Variants in ST6GALNAC5 observed in about 807,000 individuals in gnomAD.
ST6GALNAC5 encodes ST6 N-acetylgalactosaminide alpha-2,6-sialyltransferase 5.
ST6GALNAC5 carries 27 observed loss-of-function variants against 33.6 expected under a neutral mutation model. The observed-to-expected ratio is 0.80, with a 90% CI of 0.59 to 1.11. The LOEUF is 1.11. ST6GALNAC5 is among the 50% of genes least tolerant of loss of function. ST6GALNAC5 has a pLI of 0.00. For synonymous variants in ST6GALNAC5, 194 were observed against 171.2 expected (o/e 1.13, Z -1.04); for missense variants, 428 against 454.0 (o/e 0.94, Z 0.52).
chr1:77,004,881 A>T (rs1388365634), intron 2 of ST6GALNAC5, among the ~76,000 whole-genome samples: 2 of 138,480 alleles, frequency 1.4e-5, no homozygotes, highest in African/African-American at 5.0e-5. Flanking sequence ...TGGGAGAACC[A>T]CTGCTCTCTT....
At chr1:76,940,947 T>TTA (rs1205593141) in intron 2 of ST6GALNAC5, among the ~76,000 whole-genome samples, 1 of 152,088 alleles carries the variant, frequency 6.6e-6, no homozygotes, top group African/African-American at 2.4e-5. Context: ...TGTAGCTAAG[T>TTA]TATGCATGTA....
At chr1:76,884,478 T>C (rs957480520) in intron 2 of ST6GALNAC5, among the ~76,000 whole-genome samples, 1 of 152,132 alleles carries the variant, frequency 6.6e-6, no homozygotes, top group African/African-American at 2.4e-5. Flanking sequence ...CAGTGGGGTG[T>C]AGAATAAGTG....
intron 2 of ST6GALNAC5, among the ~76,000 whole-genome samples, chr1:76,965,892 G>T (rs11584876): frequency 0.023 from 3,460 of 152,252 alleles, 63 homozygotes; most frequent in Non-Finnish European, 0.034. Flanking sequence ...GCTTTTGTCA[G>T]GTTTGTCAAA....
intron 2 of ST6GALNAC5, among the ~76,000 whole-genome samples, chr1:76,984,650 CCCT>C (rs1649406341): frequency 6.6e-6 from 1 of 152,186 alleles, no homozygotes. Flanking sequence ...AGGGAATCCT[CCCT>C]AACTCATTTT....
Position 77,050,299 on chromosome 1 carries a change from T to C in ST6GALNAC5, c.713T>C (p.Met238Thr). 1 of 1,614,086 alleles carries C rather than the reference T, an allele frequency of 6.2e-7. No homozygotes were observed. The highest frequency in any genetic ancestry group is 1.1e-5 in the South Asian group (1 of 91,088). The change falls in exon 4 of 5, where the codon ATG becomes ACG. Residue 238 changes from methionine to threonine, a missense_variant. Met to Thr is a moderately conservative substitution (Grantham distance 81, BLOSUM62 -1). Transcript: ENST00000477717. ...TGGCTCAGCACTGGCTGGTTTACAATGACAATTGCACTGGAGCTCTGTGAC... is the reference window on the plus strand; with the variant it reads ...TGGCTCAGCACTGGCTGGTTTACAACGACAATTGCACTGGAGCTCTGTGAC... Reference protein sequence around the residue: ...NTWLSTGWFTMTIALELCDRI... With the variant: ...NTWLSTGWFTTTIALELCDRI...
At chr1:76,904,645 C>T (rs1382354808) in intron 2 of ST6GALNAC5, among the ~76,000 whole-genome samples, 5 of 151,884 alleles carry the variant, frequency 3.3e-5, no homozygotes, top group Admixed American at 6.6e-5. Flanking sequence ...GCCAACATGG[C>T]GAAACCCCAT....
intron 2 of ST6GALNAC5, among the ~76,000 whole-genome samples, chr1:76,906,892 T>G (rs1185717810): frequency 1.3e-5 from 2 of 152,128 alleles, no homozygotes; most frequent in Non-Finnish European, 2.9e-5. Context: ...CCTTGGCCCT[T>G]TACTACTGTT....
chr1:76,972,880 T>C (rs1007935790), intron 2 of ST6GALNAC5, among the ~76,000 whole-genome samples: 3 of 152,208 alleles, frequency 2.0e-5, no homozygotes, highest in African/African-American at 7.2e-5. Flanking sequence ...ACAATAATTC[T>C]GTGTAACTTT....
chr1:76,996,937 A>G (rs1270958310), intron 2 of ST6GALNAC5, among the ~76,000 whole-genome samples: 5 of 152,154 alleles, frequency 3.3e-5, no homozygotes, highest in Non-Finnish European at 7.4e-5. Context: ...ATCTTCCAGG[A>G]TTTGTACCAG....
At chr1:76,946,067 A>T (rs1388463620) in intron 2 of ST6GALNAC5, among the ~76,000 whole-genome samples, 3 of 152,140 alleles carry the variant, frequency 2.0e-5, no homozygotes. Context: ...CTAGACTCAG[A>T]TAAAACATCA....
intron 2 of ST6GALNAC5, among the ~76,000 whole-genome samples, chr1:77,002,463 TG>T (rs1477319988): frequency 9.2e-5 from 14 of 152,330 alleles, no homozygotes; most frequent in African/African-American, 3.1e-4. Context: ...ATTAATTTTT[TG>T]AACGGTTTTT....
chr1:77,004,226 CTTCATTTCA>C (rs1234800145), intron 2 of ST6GALNAC5, among the ~76,000 whole-genome samples: 1 of 151,166 alleles, frequency 6.6e-6, no homozygotes, highest in African/African-American at 2.4e-5. Context: ...TCCCTTCTCA[CTTCATTTCA>C]TTCATTTCAT....
intron 3 of ST6GALNAC5, among the ~76,000 whole-genome samples, chr1:77,049,893 G>C (rs1176074166): frequency 6.6e-6 from 1 of 152,214 alleles, no homozygotes; most frequent in African/African-American, 2.4e-5. Flanking sequence ...AGAATTTCTA[G>C]TTACTCAAGT....
intron 2 of ST6GALNAC5, among the ~76,000 whole-genome samples, chr1:77,032,952 C>A (rs915090953): frequency 6.6e-6 from 1 of 152,142 alleles, no homozygotes; most frequent in South Asian, 2.1e-4. Context: ...TTTGTGGAAT[C>A]GGGCTTGTCG....
intron 2 of ST6GALNAC5, among the ~76,000 whole-genome samples, chr1:76,906,547 G>C (rs1292084842): frequency 6.6e-6 from 1 of 152,082 alleles, no homozygotes; most frequent in African/African-American, 2.4e-5. Context: ...AATTTTAGAG[G>C]ACTATCATTA....
chr1:76,960,936 C>T (rs745349334), intron 2 of ST6GALNAC5, among the ~76,000 whole-genome samples: 14 of 152,096 alleles, frequency 9.2e-5, no homozygotes, highest in Non-Finnish European at 1.5e-4. Flanking sequence ...GGTCCTGAGG[C>T]GACATACATC....
At chr1:76,941,801 C>G (rs970211866) in intron 2 of ST6GALNAC5, among the ~76,000 whole-genome samples, 5 of 152,110 alleles carry the variant, frequency 3.3e-5, no homozygotes, top group Non-Finnish European at 5.9e-5. Context: ...TTTCTGATTT[C>G]TGGCCTCCAG....
At chr1:76,992,269 G>A (rs1388887737) in intron 2 of ST6GALNAC5, among the ~76,000 whole-genome samples, 1 of 152,122 alleles carries the variant, frequency 6.6e-6, no homozygotes, top group Admixed American at 6.5e-5. Flanking sequence ...TCCACTGCCA[G>A]CCCTGCTTCA....
At chr1:76,954,263 C>T (rs1647863243) in intron 2 of ST6GALNAC5, among the ~76,000 whole-genome samples, 1 of 152,086 alleles carries the variant, frequency 6.6e-6, no homozygotes, top group Non-Finnish European at 1.5e-5. Context: ...TAATCCTTAG[C>T]AAACTAATGC....
Sources: gnomAD v4.1 joint callset for allele counts (sites outside exome capture counted in the v4.1 genomes callset) on GRCh38, gnomAD v4.1.1 for gene constraint, MANE v1.5 for transcripts, NCBI Gene and HGNC (gene_info 2026-07-23, HGNC 2026-07-21) for gene names.